Variants in NREP observed in about 807,000 individuals in gnomAD.
The protein encoded by NREP is neuronal regeneration related protein.
Under a neutral mutation model 8.6 loss-of-function variants are expected in NREP, and 5 were observed. The observed-to-expected ratio is 0.58, with a 90% CI of 0.30 to 1.22. The LOEUF (loss-of-function observed/expected upper bound fraction) is 1.22. Among genes scored for constraint, NREP ranks in the 50% most tolerant of loss-of-function variants. The pLI, the probability that NREP is intolerant of heterozygous loss-of-function variation, is 0.07. For synonymous variants in NREP, 27 were observed against 28.0 expected (o/e 0.96, Z 0.11); for missense variants, 86 against 82.5 (o/e 1.04, Z -0.17).
At chr5:111,735,334 C>G (rs1749002885) in intron 3 of NREP, 96 bp downstream of exon 3, 1 of 775,468 alleles carries the variant, frequency 1.3e-6, no homozygotes. Context: ...TTATAGCAGC[C>G]TATAATGGGT....
chr5:111,918,203 A>G (rs1755119849), intron 2 of NREP, among the ~76,000 whole-genome samples: 1 of 152,212 alleles, frequency 6.6e-6, no homozygotes, highest in African/African-American at 2.4e-5. Context: ...CAAGGAAATA[A>G]GAGAGGACAC....
chr5:111,731,067 C>T, intron 3 of NREP, 21 bp from the exon 4 acceptor site: 2 of 1,612,650 alleles, frequency 1.2e-6, no homozygotes, highest in Non-Finnish European at 1.7e-6. Context: ...GGCAGACCCA[C>T]ACACAGACAG....
rs562871640 is a variant in NREP at position 111,885,982 on chromosome 5, T to G, written c.135+89292A>C. 2.3e-3 allele frequency among the ~76,000 whole-genome samples: 352 copies of G among 152,184 alleles called. 3 individuals are homozygous for G. The highest frequency in any genetic ancestry group is 7.2e-3 in the African/African-American group (299 of 41,508). ...CCAAAATTGACAAATGGGATCTAAT[T>G]AAACTAAAGAGCTTCTGCACAGCAA... On this transcript the variant is annotated intron_variant, in intron 2 of 3. Transcript: ENST00000395634.
intron 2 of NREP, chr5:111,912,833 G>A (rs901591310): frequency 2.6e-5 from 4 of 152,204 alleles, no homozygotes; most frequent in South Asian, 2.1e-4. Flanking sequence ...AGGAATAGTT[G>A]GTTGTTTGAT....
chr5:111,828,730 G>A (rs750359812), intron 2 of NREP, among the ~76,000 whole-genome samples: 4 of 151,852 alleles, frequency 2.6e-5, no homozygotes, highest in Admixed American at 1.3e-4. Flanking sequence ...TTTTTAGCAT[G>A]ATAAAAAAAC....
intron 2 of NREP, among the ~76,000 whole-genome samples, chr5:111,902,714 A>T (rs1039509474): frequency 6.6e-6 from 1 of 152,168 alleles, no homozygotes; most frequent in African/African-American, 2.4e-5. Flanking sequence ...AGCAGAAAAA[A>T]TACCCAGGGA....
At chr5:111,756,058 T>C (rs767583062) in intron 1 of NREP, 137 of 1,227,706 alleles carry the variant, frequency 1.1e-4, no homozygotes, top group Non-Finnish European at 1.3e-4. Context: ...AGTCCTGGGC[T>C]ATTCTTAGTG....
chr5:111,798,964 C>T (rs1361274639), intron 2 of NREP, among the ~76,000 whole-genome samples: 5 of 152,168 alleles, frequency 3.3e-5, no homozygotes, highest in South Asian at 4.1e-4. Flanking sequence ...CTAGATCAAA[C>T]GGTAGATCTA....
intron 2 of NREP, among the ~76,000 whole-genome samples, chr5:111,797,221 C>G (rs1371578881): frequency 6.6e-6 from 1 of 152,102 alleles, no homozygotes; most frequent in Non-Finnish European, 1.5e-5. Flanking sequence ...TTATTTAGTA[C>G]CCATTAAGTT....
At chr5:111,794,321 T>G (rs1751826380) in intron 2 of NREP, among the ~76,000 whole-genome samples, 1 of 152,182 alleles carries the variant, frequency 6.6e-6, no homozygotes, top group African/African-American at 2.4e-5. Context: ...CTTCTTGGTA[T>G]TTACCCAAAG....
At chr5:111,869,304 A>T (rs1753735088) in intron 2 of NREP, among the ~76,000 whole-genome samples, 1 of 152,328 alleles carries the variant, frequency 6.6e-6, no homozygotes, top group Non-Finnish European at 1.5e-5. Flanking sequence ...AGTAATTTTT[A>T]AAATTTCCTT....
intron 2 of NREP, among the ~76,000 whole-genome samples, chr5:111,794,299 C>G (rs537541549): frequency 6.6e-6 from 1 of 152,142 alleles, no homozygotes; most frequent in South Asian, 2.1e-4. Flanking sequence ...GCTATACAGT[C>G]CAGCAAATGG....
At position 111,767,377 on chromosome 5, in the gene NREP, G is replaced by A. The variant is rs138861099; in HGVS notation, c.136-31870C>T. Among the ~76,000 whole-genome samples the A allele has an allele frequency of 1.3e-3, 204 of 152,158 alleles. 2 individuals are homozygous for A. In the South Asian group the frequency reaches 0.018, roughly 13 times the overall value. ...CAGCTCTCTCAAGTGGCTTTACAAC[G>A]TAAACAGCAGCAGAAATCTCTCTAA... On this transcript the variant is annotated intron_variant, in intron 2 of 3. Transcript: ENST00000395634.
chr5:111,937,830 A>T (rs937494858), intron 2 of NREP, among the ~76,000 whole-genome samples: 1 of 151,918 alleles, frequency 6.6e-6, no homozygotes, highest in African/African-American at 2.4e-5. Flanking sequence ...ACATAATCTC[A>T]CAGGGTACTG....
intron 2 of NREP, among the ~76,000 whole-genome samples, chr5:111,779,436 G>A (rs1023802261): frequency 1.3e-5 from 2 of 152,140 alleles, no homozygotes; most frequent in Non-Finnish European, 2.9e-5. Context: ...GTTAGTCTTA[G>A]CTCATTGCCC....
At chr5:111,779,920 A>G (rs1348608840) in intron 2 of NREP, among the ~76,000 whole-genome samples, 1 of 152,122 alleles carries the variant, frequency 6.6e-6, no homozygotes, top group Non-Finnish European at 1.5e-5. Context: ...TTTGCCTCAG[A>G]AGTTCTGTTC....
At chr5:111,741,158 T>C (rs917606149) in intron 2 of NREP, among the ~76,000 whole-genome samples, 1 of 152,188 alleles carries the variant, frequency 6.6e-6, no homozygotes, top group African/African-American at 2.4e-5. Context: ...AGGATGGGTA[T>C]GCGTATCTGT....
chr5:111,921,160 C>T (rs1208578381), intron 2 of NREP, among the ~76,000 whole-genome samples: 1 of 152,176 alleles, frequency 6.6e-6, no homozygotes, highest in Non-Finnish European at 1.5e-5. Flanking sequence ...TCCTCTCTCT[C>T]TCTCTTCTCA....
At chr5:111,877,883 C>T (rs560681949) in intron 2 of NREP, among the ~76,000 whole-genome samples, 2 of 152,000 alleles carry the variant, frequency 1.3e-5, no homozygotes, top group Non-Finnish European at 2.9e-5. Flanking sequence ...AGGTACCACA[C>T]ATAGGGCCAC....
Sources: allele counts gnomAD v4.1 joint callset (sites outside exome capture counted in the v4.1 genomes callset), GRCh38; gene constraint gnomAD v4.1.1; transcripts MANE v1.5; gene names NCBI Gene and HGNC (gene_info 2026-07-23, HGNC 2026-07-21).